The following P2RY12 variants were observed in gnomAD, a reference collection of about 807,000 sequenced individuals.
P2RY12 encodes purinergic receptor P2Y12.
A neutral mutation model predicts 4.5 loss-of-function variants in P2RY12; 3 were observed. The observed-to-expected ratio is 0.67, with a 90% CI of 0.31 to 1.74. The LOEUF is 1.74. Among genes scored for constraint, P2RY12 ranks in the 40% most tolerant of loss-of-function variants. The probability of loss-of-function intolerance (pLI) is 0.09; values close to 1 mark genes in which losing one functional copy is unlikely to be tolerated. For missense variants in P2RY12, 356 were observed against 407.8 expected, an observed-to-expected ratio of 0.87 and a Z score of 1.09; for synonymous variants, 148 against 154.1, an observed-to-expected ratio of 0.96 and a Z score of 0.29.
At chr3:151,369,701 C>T (rs1755946234) in intron 1 of P2RY12, 1 of 510,232 alleles carries the variant, frequency 2.0e-6, no homozygotes. Context: ...TCTCCTAGAC[C>T]AAATACATCA....
chr3:151,369,516 G>A (rs201122370), intron 1 of P2RY12: 20 of 1,611,168 alleles, frequency 1.2e-5, no homozygotes, highest in Middle Eastern at 1.7e-4. Flanking sequence ...AGTGGGAGCC[G>A]TGTTTGCTGT....
At chr3:151,368,324 G>C in intron 1 of P2RY12, 2 of 1,294,040 alleles carry the variant, frequency 1.5e-6, no homozygotes, top group Non-Finnish European at 2.2e-6. Flanking sequence ...CAAATAGGCT[G>C]TCCCTTTCTG....
At chr3:151,350,533 G>C (rs979584802) in intron 1 of P2RY12, among the ~76,000 whole-genome samples, 5 of 152,098 alleles carry the variant, frequency 3.3e-5, no homozygotes, top group African/African-American at 9.7e-5. Flanking sequence ...AAGTACTGAA[G>C]AATGAGTTGA....
chr3:151,376,283 C>A, intron 1 of P2RY12: 1 of 1,203,734 alleles, frequency 8.3e-7, no homozygotes, highest in South Asian at 2.6e-5. Flanking sequence ...GAGTTACTTC[C>A]TCTCTTTTTT....
intron 1 of P2RY12, among the ~76,000 whole-genome samples, chr3:151,379,233 T>G (rs907623332): frequency 2.6e-5 from 4 of 152,216 alleles, no homozygotes; most frequent in Non-Finnish European, 4.4e-5. Context: ...TGTATGTGCA[T>G]TGCCTAACTT....
chr3:151,372,954 C>T (rs1000200629), intron 1 of P2RY12, among the ~76,000 whole-genome samples: 1 of 152,052 alleles, frequency 6.6e-6, no homozygotes, highest in African/African-American at 2.4e-5. Flanking sequence ...ATCCTTTACA[C>T]GGATTTACTA....
intron 1 of P2RY12, chr3:151,355,081 A>G (rs1753745570): frequency 1.3e-6 from 2 of 1,482,292 alleles, no homozygotes; most frequent in South Asian, 2.3e-5. Context: ...GAGAGCTTCT[A>G]TTAAATGGAA....
At chr3:151,372,160 A>G (rs1305108166) in intron 1 of P2RY12, among the ~76,000 whole-genome samples, 1 of 152,214 alleles carries the variant, frequency 6.6e-6, no homozygotes, top group African/African-American at 2.4e-5. Context: ...TCATTGTAAG[A>G]GAAGAAATGG....
chr3:151,378,266 G>GGT, intron 1 of P2RY12: 1 of 1,255,966 alleles, frequency 8.0e-7, no homozygotes, highest in Non-Finnish European at 1.1e-6. Flanking sequence ...TGTACCCACA[G>GGT]TCCACTGAAA....
intron 1 of P2RY12, chr3:151,382,625 C>T: frequency 6.5e-7 from 1 of 1,537,128 alleles, no homozygotes; most frequent in South Asian, 1.2e-5. Context: ...AAAAATTAAA[C>T]TTTAATGGGG....
Position 151,365,279 on chromosome 3 carries a change from C to T in P2RY12, c.-180+19413G>A, listed in dbSNP as rs16863337. ...CTTGGTGCTTCTTTGAAATTGATGT[C>T]GTTAGTAAGTGTCTGGACTCACATT... On this transcript the variant is annotated intron_variant, in intron 1 of 2. Transcript: ENST00000302632. The T allele has an allele frequency of 0.017, 21,434 of 1,254,800 alleles. 2,541 individuals are homozygous for T. The African/African-American group carries it at 0.26, about 15-fold the overall frequency. The allele number at this position is 1,254,800 out of a possible 1,614,324, so 77.7% of individuals were successfully genotyped here. A position where few individuals can be genotyped will look rare whatever the true frequency, so the allele number is the denominator to read the frequency against.
intron 1 of P2RY12, among the ~76,000 whole-genome samples, chr3:151,373,632 C>A (rs1756453693): frequency 6.6e-6 from 1 of 151,680 alleles, no homozygotes; most frequent in African/African-American, 2.4e-5. Context: ...GAAGAGCCTG[C>A]CCTCCTCTCC....
At chr3:151,365,955 C>T (rs757902957) in intron 1 of P2RY12, 9 of 1,612,344 alleles carry the variant, frequency 5.6e-6, no homozygotes, top group Admixed American at 3.3e-5. Flanking sequence ...CTTCAAATCA[C>T]GTGTGGGGGT....
At chr3:151,377,319 G>A in intron 1 of P2RY12, 2 of 679,398 alleles carry the variant, frequency 2.9e-6, no homozygotes, top group South Asian at 3.9e-5. Flanking sequence ...TTATTAATAA[G>A]TTAATGAGTA....
At chr3:151,360,446 T>G in intron 1 of P2RY12, 3 of 1,604,940 alleles carry the variant, frequency 1.9e-6, no homozygotes, top group Non-Finnish European at 2.6e-6. Flanking sequence ...AATCTATGTC[T>G]TATTTCTTCG....
intron 1 of P2RY12, among the ~76,000 whole-genome samples, chr3:151,342,616 A>G (rs1341173350): frequency 6.6e-6 from 1 of 152,190 alleles, no homozygotes; most frequent in African/African-American, 2.4e-5. Flanking sequence ...TGGAATAAGA[A>G]TTTTGTTGCC....
In P2RY12 at chr3:151,337,511, T is replaced by A; in HGVS notation, c.*306A>T. ...GTATTTTAAAAATTACAGTAAATAT[T>A]ATATGATTACTCATTTTGGCAAAAC... is the stretch of plus-strand genomic sequence containing the variant. On this transcript the variant is annotated 3_prime_UTR_variant, in exon 3 of 3. Transcript: ENST00000302632. 1 of 296,752 alleles carries A rather than the reference T, an allele frequency of 3.4e-6. No homozygotes were observed. Among genetic ancestry groups the A allele is most frequent in the Non-Finnish European group, 6.3e-6 (1 of 157,934 alleles). The allele number at this position is 296,752 out of a possible 1,614,324, so 18.4% of individuals were successfully genotyped here.
chr3:151,338,342 T>C lies in P2RY12; in HGVS notation c.504A>G (p.Arg168=). 1 of 1,614,168 alleles carries C rather than the reference T, an allele frequency of 6.2e-7. No individual in the cohort carries two copies. The change falls in exon 3 of 3, where the codon AGA becomes AGG. Residue 168 remains arginine (R), a synonymous_variant. Transcript: ENST00000302632. Reference sequence around the variant, plus strand: ...AAGAGCATTTCTTCACATTCTTGTCTCTCGGCTGCCTGTTGGTCAGAATCA... The same window carrying C: ...AAGAGCATTTCTTCACATTCTTGTCCCTCGGCTGCCTGTTGGTCAGAATCA... ...PNMILTNRQP[R]DKNVKKCSFL...
At chr3:151,371,241 A>T (rs1756148358) in intron 1 of P2RY12, among the ~76,000 whole-genome samples, 1 of 152,192 alleles carries the variant, frequency 6.6e-6, no homozygotes, top group South Asian at 2.1e-4. Context: ...ACCAGGATAT[A>T]TTTTGAGTTA....
Sources: allele counts gnomAD v4.1 joint callset (sites outside exome capture counted in the v4.1 genomes callset), GRCh38; gene constraint gnomAD v4.1.1; transcripts MANE v1.5; gene names NCBI Gene and HGNC (gene_info 2026-07-23, HGNC 2026-07-21).